FGGY: variants seen among roughly 807,000 people sequenced by gnomAD.
FGGY encodes the protein FGGY carbohydrate kinase domain containing.
Under a neutral mutation model 71.3 loss-of-function variants are expected in FGGY, and 72 were observed. The observed-to-expected ratio is 1.01, with a 90% CI of 0.84 to 1.23. The LOEUF is 1.23. Ranked by LOEUF, FGGY falls within the 50% of genes most tolerant of loss-of-function variation. The pLI, the probability that FGGY is intolerant of heterozygous loss-of-function variation, is 0.00. For synonymous variants in FGGY, 251 were observed against 250.3 expected (o/e 1.00, Z -0.02); for missense variants, 668 against 682.3 (o/e 0.98, Z 0.23).
chr1:59,513,657 C>T (rs2094569915), intron 7 of FGGY, among the ~76,000 whole-genome samples: 2 of 152,196 alleles, frequency 1.3e-5, no homozygotes, highest in African/African-American at 4.8e-5. Flanking sequence ...AGAGTGTGAA[C>T]TCCTTGAGAA....
chr1:59,445,941 A>G (rs1396980418), intron 5 of FGGY, among the ~76,000 whole-genome samples: 2 of 152,146 alleles, frequency 1.3e-5, no homozygotes, highest in African/African-American at 4.8e-5. Context: ...TTTCCTAATG[A>G]TACAACCTCC....
chr1:59,403,752 C>G (rs1342172556), intron 5 of FGGY, among the ~76,000 whole-genome samples: 1 of 152,210 alleles, frequency 6.6e-6, no homozygotes, highest in Non-Finnish European at 1.5e-5. Flanking sequence ...GTGCTTTACT[C>G]AGGCTTTGGG....
chr1:59,465,359 AAAT>A (rs1401390586), intron 6 of FGGY, among the ~76,000 whole-genome samples: 5 of 152,198 alleles, frequency 3.3e-5, no homozygotes, highest in Non-Finnish European at 7.3e-5. Flanking sequence ...ACATATCTCA[AAAT>A]AATAAGAGCT....
chr1:59,683,483 C>T (rs1048358482), intron 14 of FGGY, among the ~76,000 whole-genome samples: 3 of 152,260 alleles, frequency 2.0e-5, no homozygotes, highest in South Asian at 4.2e-4. Flanking sequence ...AACCCAGCTC[C>T]CCCCAAATCA....
At chr1:59,445,862 A>G (rs2071113431) in intron 5 of FGGY, among the ~76,000 whole-genome samples, 1 of 152,224 alleles carries the variant, frequency 6.6e-6, no homozygotes, top group Non-Finnish European at 1.5e-5. Context: ...AGTGGGCCTG[A>G]ATAAGCATGT....
intron 5 of FGGY, among the ~76,000 whole-genome samples, chr1:59,381,628 C>CGTGT (rs113981398): frequency 0.038 from 5,401 of 143,212 alleles, 133 homozygotes; most frequent in African/African-American, 0.071. Flanking sequence ...ATGTATAACT[C>CGTGT]GTGTGTGTGT....
chr1:59,480,933 G>A (rs1360883355), intron 6 of FGGY, among the ~76,000 whole-genome samples: 1 of 151,690 alleles, frequency 6.6e-6, no homozygotes, highest in Admixed American at 6.6e-5. Flanking sequence ...TGGTCTACTG[G>A]GTATAGACAA....
intron 14 of FGGY, chr1:59,755,529 A>C (rs953124594): frequency 2.6e-5 from 4 of 152,218 alleles, no homozygotes; most frequent in Non-Finnish European, 5.9e-5. Context: ...GTCAGAAAAA[A>C]ATCTCAGTAG....
At chr1:59,740,385 A>G (rs371583843) in intron 14 of FGGY, among the ~76,000 whole-genome samples, 9 of 152,324 alleles carry the variant, frequency 5.9e-5, no homozygotes, top group South Asian at 2.1e-4. Context: ...GAGAAAAGCC[A>G]TTAGAAAGAC....
intron 10 of FGGY, among the ~76,000 whole-genome samples, chr1:59,637,812 T>G (rs1228758806): frequency 1.3e-5 from 2 of 152,196 alleles, no homozygotes; most frequent in African/African-American, 4.8e-5. Flanking sequence ...AATAAATTAT[T>G]GACATATGAC....
At chr1:59,701,279 G>C (rs951868982) in intron 14 of FGGY, among the ~76,000 whole-genome samples, 11 of 152,182 alleles carry the variant, frequency 7.2e-5, no homozygotes, top group Non-Finnish European at 1.0e-4. Flanking sequence ...CATCCTCAGT[G>C]CTCCACAGCA....
chr1:59,456,932 T>C lies in FGGY; in HGVS notation c.555-29T>C, dbSNP rs182952106. 7.2e-6 allele frequency: 11 copies of C among 1,536,408 alleles called. No individual in the cohort carries two copies. The African/African-American group carries it at 1.5e-4, about 21-fold the overall frequency. On this transcript the variant is annotated intron_variant, in intron 5 of 15. Transcript: ENST00000303721. The stretch of plus-strand genomic sequence containing the variant: ...AAGGAAGCCTCACTCATATGGTCAG[T>C]TCTATCTATATCTCTTCTATTTTCT...
intron 7 of FGGY, among the ~76,000 whole-genome samples, chr1:59,515,891 C>G (rs941234318): frequency 6.6e-6 from 1 of 152,070 alleles, no homozygotes; most frequent in South Asian, 2.1e-4. Flanking sequence ...TAACTTTCCC[C>G]CATATTTTTG....
chr1:59,531,052 A>C (rs778250606), intron 7 of FGGY, among the ~76,000 whole-genome samples: 2 of 152,214 alleles, frequency 1.3e-5, no homozygotes, highest in Non-Finnish European at 2.9e-5. Flanking sequence ...CCTTTAATGC[A>C]TGGGCTTAAA....
At chr1:59,372,077 A>G (rs2057752818) in intron 4 of FGGY, among the ~76,000 whole-genome samples, 1 of 152,244 alleles carries the variant, frequency 6.6e-6, no homozygotes, top group Non-Finnish European at 1.5e-5. Flanking sequence ...ACTGAAGGCG[A>G]TAAATCGAGA....
At chr1:59,318,811 A>G (rs1050466293) in intron 1 of FGGY, 2 of 152,274 alleles carry the variant, frequency 1.3e-5, no homozygotes, top group Admixed American at 6.5e-5. Flanking sequence ...TGCCAAGGGC[A>G]AAGAGTTGTT....
intron 12 of FGGY, among the ~76,000 whole-genome samples, chr1:59,662,332 AAAAG>A (rs2097284028): frequency 6.7e-6 from 1 of 150,116 alleles, no homozygotes. Context: ...AAAAAAAAAA[AAAAG>A]AGAGAGATTT....
At chr1:59,446,438 G>A (rs1039204014) in intron 5 of FGGY, among the ~76,000 whole-genome samples, 7 of 152,054 alleles carry the variant, frequency 4.6e-5, no homozygotes, top group African/African-American at 1.7e-4. Flanking sequence ...AGCCTGTCAC[G>A]GGCCTGTCAG....
intron 5 of FGGY, among the ~76,000 whole-genome samples, chr1:59,385,260 T>C (rs1370632967): frequency 6.6e-6 from 1 of 152,180 alleles, no homozygotes; most frequent in Admixed American, 6.6e-5. Flanking sequence ...CTTTTCTTTA[T>C]CTGGGTCACT....
Sources: gnomAD v4.1 joint callset for allele counts (sites outside exome capture counted in the v4.1 genomes callset) on GRCh38, gnomAD v4.1.1 for gene constraint, MANE v1.5 for transcripts, NCBI Gene and HGNC (gene_info 2026-07-23, HGNC 2026-07-21) for gene names.